NFIB: variants seen among roughly 807,000 people sequenced by gnomAD.
NFIB encodes nuclear factor I B.
NFIB carries 11 observed loss-of-function variants against 61.5 expected under a neutral mutation model. The observed-to-expected ratio is 0.18, with a 90% CI of 0.11 to 0.30. NFIB has a LOEUF of 0.30. Ranked by LOEUF, NFIB falls within the 10% of genes least tolerant of loss-of-function variation. The pLI, the probability that NFIB is intolerant of heterozygous loss-of-function variation, is 1.00. For synonymous variants in NFIB, 260 were observed against 216.5 expected, an observed-to-expected ratio of 1.20 and a Z score of -1.76; for missense variants, 471 against 608.9, an observed-to-expected ratio of 0.77 and a Z score of 2.38.
chr9:14,521,877 T>C, the NFIB span, among the ~76,000 whole-genome samples: 1 of 152,216 alleles, frequency 6.6e-6, no homozygotes, highest in Non-Finnish European at 1.5e-5. Flanking sequence ...TACCCATTGG[T>C]AGTCCTATGG....
chr9:14,138,359 A>T (rs2131017171), intron 6 of NFIB, among the ~76,000 whole-genome samples: 1 of 152,282 alleles, frequency 6.6e-6, no homozygotes, highest in East Asian at 1.9e-4. Context: ...ACACAGAAAA[A>T]GGAGGCGAAT....
chr9:14,300,442 T>C (rs1281178432), intron 2 of NFIB, among the ~76,000 whole-genome samples: 1 of 152,170 alleles, frequency 6.6e-6, no homozygotes, highest in South Asian at 2.1e-4. Flanking sequence ...CAAGTTCTAC[T>C]TTCATCAACT....
chr9:14,225,243 T>C (rs2052216895), intron 2 of NFIB, among the ~76,000 whole-genome samples: 1 of 152,024 alleles, frequency 6.6e-6, no homozygotes, highest in African/African-American at 2.4e-5. Flanking sequence ...ATCTCAAGAA[T>C]GCTATAAAAA....
the NFIB span, among the ~76,000 whole-genome samples, chr9:14,418,644 G>C: frequency 1.3e-5 from 2 of 152,090 alleles, no homozygotes; most frequent in African/African-American, 4.8e-5. Flanking sequence ...GACCCTATTA[G>C]GGTCCCCAGG....
intron 3 of NFIB, among the ~76,000 whole-genome samples, chr9:14,160,370 T>A (rs2044014504): frequency 6.6e-6 from 1 of 152,092 alleles, no homozygotes; most frequent in Non-Finnish European, 1.5e-5. Context: ...AACATTTACA[T>A]AGAAAATCCA....
At chr9:14,446,491 A>G in the NFIB span, among the ~76,000 whole-genome samples, 2 of 152,104 alleles carry the variant, frequency 1.3e-5, no homozygotes, top group Admixed American at 6.6e-5. Flanking sequence ...TTTACAGTTC[A>G]CAAATTTTCT....
the NFIB span, among the ~76,000 whole-genome samples, chr9:14,525,077 G>A: frequency 6.6e-5 from 10 of 152,176 alleles, no homozygotes; most frequent in African/African-American, 2.2e-4. Flanking sequence ...GAGGAAAGAT[G>A]AATGGAATCG....
At chr9:14,107,163 G>T (rs969352831) in intron 10 of NFIB, among the ~76,000 whole-genome samples, 1 of 151,924 alleles carries the variant, frequency 6.6e-6, no homozygotes, top group Non-Finnish European at 1.5e-5. Flanking sequence ...TTTGGATTAG[G>T]AGAATTTTAT....
upstream of NFIB, among the ~76,000 whole-genome samples, chr9:14,402,005 C>T (rs910662860): frequency 3.9e-5 from 6 of 151,988 alleles, no homozygotes; most frequent in Non-Finnish European, 8.8e-5. Flanking sequence ...TGCATGTACC[C>T]CTGGACACAA....
intron 2 of NFIB, among the ~76,000 whole-genome samples, chr9:14,292,066 C>T (rs1404916258): frequency 6.6e-6 from 1 of 152,184 alleles, no homozygotes; most frequent in Non-Finnish European, 1.5e-5. Context: ...ATCTTAATTA[C>T]AAATGATAAT....
intron 1 of NFIB, among the ~76,000 whole-genome samples, chr9:14,329,767 C>G (rs556575530): frequency 1.3e-5 from 2 of 151,802 alleles, no homozygotes; most frequent in East Asian, 4.0e-4. Context: ...CCCGCCTCAG[C>G]CTCCCAAAGT....
intron 2 of NFIB, among the ~76,000 whole-genome samples, chr9:14,227,195 T>G (rs184821839): frequency 5.9e-5 from 9 of 151,408 alleles, no homozygotes; most frequent in Admixed American, 5.9e-4. Flanking sequence ...AAATATATTC[T>G]AAACATGTGC....
intron 3 of NFIB, 125 bp from the exon 4 acceptor site, chr9:14,156,018 G>T: frequency 2.0e-6 from 1 of 493,404 alleles, no homozygotes; most frequent in Non-Finnish European, 3.5e-6. Context: ...CTTACAATAA[G>T]GACTTTAAAA....
chr9:14,169,816 T>TCAAA (rs2045364437), intron 3 of NFIB, among the ~76,000 whole-genome samples: 1 of 152,200 alleles, frequency 6.6e-6, no homozygotes, highest in South Asian at 2.1e-4. Flanking sequence ...AGACTCCTTC[T>TCAAA]CAAACAAACA....
chr9:14,185,875 ATACTAT>A (rs1436544940), intron 2 of NFIB, among the ~76,000 whole-genome samples: 1 of 152,214 alleles, frequency 6.6e-6, no homozygotes, highest in Non-Finnish European at 1.5e-5. Context: ...TGGATAAGAC[ATACTAT>A]TTTGAGTTAG....
intron 2 of NFIB, among the ~76,000 whole-genome samples, chr9:14,282,865 C>T (rs1227721975): frequency 2.6e-5 from 4 of 152,166 alleles, no homozygotes; most frequent in African/African-American, 9.7e-5. Context: ...GTATGAACTT[C>T]GGTCATGACT....
chr9:14,435,320 G>A, the NFIB span, among the ~76,000 whole-genome samples: 6 of 152,158 alleles, frequency 3.9e-5, no homozygotes, highest in South Asian at 2.1e-4. Context: ...TTTTGCTGTG[G>A]CCATGTACCA....
intron 6 of NFIB, among the ~76,000 whole-genome samples, chr9:14,140,937 T>A (rs1193569167): frequency 6.6e-6 from 1 of 152,090 alleles, no homozygotes; most frequent in African/African-American, 2.4e-5. Context: ...AAAACAGAAA[T>A]GCTGGCCTCT....
chr9:14,343,283 G>T (rs544950092), intron 1 of NFIB, among the ~76,000 whole-genome samples: 1 of 152,050 alleles, frequency 6.6e-6, no homozygotes, highest in Non-Finnish European at 1.5e-5. Flanking sequence ...CCTCTACCCC[G>T]GTGCCAGAGA....
Sources: allele counts gnomAD v4.1 joint callset (sites outside exome capture counted in the v4.1 genomes callset), GRCh38; gene constraint gnomAD v4.1.1; transcripts MANE v1.5; gene names NCBI Gene and HGNC (gene_info 2026-07-23, HGNC 2026-07-21).